The following PHACTR3 variants were observed in gnomAD, a reference collection of about 807,000 sequenced individuals.
PHACTR3 encodes phosphatase and actin regulator 3.
Under a neutral mutation model 66.8 loss-of-function variants are expected in PHACTR3, and 16 were observed. The observed-to-expected ratio is 0.24, with a 90% CI of 0.16 to 0.36. The LOEUF (loss-of-function observed/expected upper bound fraction) is 0.36, where lower values mean the gene tolerates loss of function less well. Among genes scored for constraint, PHACTR3 ranks in the 10% least tolerant of loss-of-function variants. The pLI is 1.00. For synonymous variants in PHACTR3, 323 were observed against 292.1 expected, an observed-to-expected ratio of 1.11 and a Z score of -1.08; for missense variants, 647 against 719.9, an observed-to-expected ratio of 0.90 and a Z score of 1.16.
chr20:59,770,405 A>G (rs1393409711), intron 5 of PHACTR3, among the ~76,000 whole-genome samples: 1 of 152,160 alleles, frequency 6.6e-6, no homozygotes, highest in Admixed American at 6.5e-5. Context: ...TGAACACTAG[A>G]TGGTAGCAAA....
At chr20:59,840,871 AC>A (rs1230563547) in intron 10 of PHACTR3, among the ~76,000 whole-genome samples, 3 of 152,176 alleles carry the variant, frequency 2.0e-5, no homozygotes, top group African/African-American at 7.2e-5. Context: ...GTTCTCTGTG[AC>A]TCAAACAGTT....
At chr20:59,803,654 T>G (rs1446488063) in intron 7 of PHACTR3, among the ~76,000 whole-genome samples, 1 of 152,210 alleles carries the variant, frequency 6.6e-6, no homozygotes, top group Non-Finnish European at 1.5e-5. Context: ...TACGCCACCA[T>G]TTTTAATAGG....
intron 1 of PHACTR3, among the ~76,000 whole-genome samples, chr20:59,662,411 G>A (rs1456862277): frequency 8.5e-5 from 13 of 152,154 alleles, no homozygotes; most frequent in Non-Finnish European, 1.8e-4. Flanking sequence ...GAGGTGGAGA[G>A]GAATGTGGAG....
intron 4 of PHACTR3, 111 bp from the exon 5 acceptor site, chr20:59,767,075 T>A (rs2426831): frequency 0.67 from 680,264 of 1,021,964 alleles, 233,840 homozygotes; most frequent in Non-Finnish European, 0.71. Flanking sequence ...AGGTCACTGC[T>A]CTGTATGCTC....
intron 1 of PHACTR3, among the ~76,000 whole-genome samples, chr20:59,737,689 A>G (rs1412078563): frequency 6.6e-6 from 1 of 152,178 alleles, no homozygotes; most frequent in East Asian, 1.9e-4. Context: ...GTCTAAATTC[A>G]TACCTTTATT....
chr20:59,624,015 C>CCCA (rs2034359441), intron 1 of PHACTR3, among the ~76,000 whole-genome samples: 1 of 152,038 alleles, frequency 6.6e-6, no homozygotes, highest in Non-Finnish European at 1.5e-5. Flanking sequence ...GACCTGCTGG[C>CCCA]AGGAGAAGTG....
chr20:59,806,332 C>T (rs1031419272), intron 8 of PHACTR3, 138 bp downstream of exon 8: 27 of 1,150,306 alleles, frequency 2.3e-5, no homozygotes, highest in Admixed American at 1.9e-4. Context: ...ACCCCGCCAC[C>T]GTTGACGTTT....
At chr20:59,787,141 T>G (rs977664087) in intron 7 of PHACTR3, among the ~76,000 whole-genome samples, 2 of 152,144 alleles carry the variant, frequency 1.3e-5, no homozygotes, top group African/African-American at 4.8e-5. Flanking sequence ...AGACACCACG[T>G]TTTTGTAGGA....
chr20:59,692,987 G>A (rs6027046), intron 1 of PHACTR3, among the ~76,000 whole-genome samples: 57,406 of 151,998 alleles, frequency 0.38, 13,048 homozygotes, highest in African/African-American at 0.63. Flanking sequence ...AAATGAAAGC[G>A]TCATTATATA....
intron 4 of PHACTR3, among the ~76,000 whole-genome samples, chr20:59,762,515 A>G (rs924579291): frequency 5.9e-5 from 9 of 152,230 alleles, no homozygotes; most frequent in African/African-American, 2.2e-4. Context: ...GACAAGGAAG[A>G]AATGTGTCCA....
chr20:59,783,979 G>A (rs563055284), intron 7 of PHACTR3, among the ~76,000 whole-genome samples: 10 of 152,358 alleles, frequency 6.6e-5, no homozygotes, highest in African/African-American at 2.4e-4. Context: ...AAGGGTGAAG[G>A]TCAATCTTGT....
At chr20:59,584,003 G>A (rs1483121223) in intron 1 of PHACTR3, among the ~76,000 whole-genome samples, 1 of 152,264 alleles carries the variant, frequency 6.6e-6, no homozygotes, top group Non-Finnish European at 1.5e-5. Flanking sequence ...GGGCCAGACC[G>A]GTGGGCTCGC....
intron 1 of PHACTR3, among the ~76,000 whole-genome samples, chr20:59,598,223 C>T (rs1391555731): frequency 6.6e-6 from 1 of 152,230 alleles, no homozygotes; most frequent in Non-Finnish European, 1.5e-5. Context: ...GGCCCCTCTC[C>T]CAGTCACCTG....
At chr20:59,679,095 TAC>T (rs2036555939) in intron 1 of PHACTR3, among the ~76,000 whole-genome samples, 3 of 152,332 alleles carry the variant, frequency 2.0e-5, no homozygotes, top group African/African-American at 7.2e-5. Flanking sequence ...GGACGATGCC[TAC>T]ATGCAGAGAG....
chr20:59,652,989 G>A (rs2035504434), intron 1 of PHACTR3, among the ~76,000 whole-genome samples: 1 of 152,138 alleles, frequency 6.6e-6, no homozygotes, highest in Non-Finnish European at 1.5e-5. Context: ...TATAGTGGAG[G>A]AAGTAACAGA....
chr20:59,818,185 C>A (rs1405616833), intron 8 of PHACTR3, among the ~76,000 whole-genome samples: 1 of 152,206 alleles, frequency 6.6e-6, no homozygotes, highest in Non-Finnish European at 1.5e-5. Context: ...TGCCTCGGTT[C>A]CCAGCCAGCT....
intron 1 of PHACTR3, among the ~76,000 whole-genome samples, chr20:59,726,259 A>G (rs2038556977): frequency 6.6e-6 from 1 of 152,184 alleles, no homozygotes; most frequent in African/African-American, 2.4e-5. Flanking sequence ...GTCACTTGGC[A>G]TACTGGCCAG....
At chr20:59,836,470 A>G (rs2058967969) in intron 8 of PHACTR3, 35 bp from the exon 9 acceptor site, 2 of 1,599,722 alleles carry the variant, frequency 1.3e-6, no homozygotes, top group Non-Finnish European at 8.5e-7. Context: ...GGCAGCCACT[A>G]TGGTGCAAAA....
intron 7 of PHACTR3, among the ~76,000 whole-genome samples, chr20:59,797,380 G>C (rs889415759): frequency 6.8e-6 from 1 of 147,900 alleles, no homozygotes; most frequent in African/African-American, 2.5e-5. Flanking sequence ...TTTTTTTTTT[G>C]GCAGCATCAT....
Sources: gnomAD v4.1 joint callset for allele counts (sites outside exome capture counted in the v4.1 genomes callset) on GRCh38, gnomAD v4.1.1 for gene constraint, MANE v1.5 for transcripts, NCBI Gene and HGNC (gene_info 2026-07-23, HGNC 2026-07-21) for gene names.